Variants in RTN3 observed in about 807,000 individuals in gnomAD.
The protein encoded by RTN3 is reticulon-3.
RTN3 carries 49 observed loss-of-function variants against 77.8 expected under a neutral mutation model. The observed-to-expected ratio is 0.63, with a 90% CI of 0.50 to 0.80. The LOEUF is 0.80. RTN3 is among the 30% of genes least tolerant of loss of function. The probability of loss-of-function intolerance (pLI) is 0.00; values close to 1 mark genes in which losing one functional copy is unlikely to be tolerated. For synonymous variants in RTN3, 464 were observed against 446.9 expected, an observed-to-expected ratio of 1.04 and a Z score of -0.48; for missense variants, 1,236 against 1,211.9, an observed-to-expected ratio of 1.02 and a Z score of -0.29.
chr11:63,713,035 C>A (rs1445195767), intron 2 of RTN3, among the ~76,000 whole-genome samples: 5 of 152,042 alleles, frequency 3.3e-5, no homozygotes, highest in Non-Finnish European at 7.4e-5. Flanking sequence ...GCAGAGGTTG[C>A]GGTGAGCCAA....
In RTN3 at chr11:63,721,037, C is replaced by A. The variant is rs1289207803; in HGVS notation, c.2530+5C>A. The A allele has an allele frequency of 6.3e-7, 1 of 1,577,936 alleles. No homozygotes were observed. Among genetic ancestry groups the A allele is most frequent in the East Asian group, 2.3e-5 (1 of 44,408 alleles). On this transcript the variant is annotated splice_donor_5th_base_variant and intron_variant, in intron 3 of 8. Coordinates refer to ENST00000377819, the MANE Select transcript of RTN3 (RefSeq NM_001265589.2). ...GACTTCTGACAGACTTCTCAGGTAACCATTTATATTAGAATACTGCATGTG... is the reference window on the plus strand; with the variant it reads ...GACTTCTGACAGACTTCTCAGGTAAACATTTATATTAGAATACTGCATGTG...
intron 2 of RTN3, among the ~76,000 whole-genome samples, chr11:63,707,921 TAAAC>T (rs1446585388): frequency 6.6e-6 from 1 of 152,134 alleles, no homozygotes; most frequent in Non-Finnish European, 1.5e-5. Context: ...AACAAACAAA[TAAAC>T]AAAACACATG....
At chr11:63,757,887 G>T (rs574373545) in intron 8 of RTN3, among the ~76,000 whole-genome samples, 1 of 151,730 alleles carries the variant, frequency 6.6e-6, no homozygotes, top group African/African-American at 2.4e-5. Context: ...ACACCAACAC[G>T]CCTGGCTAAT....
At chr11:63,682,620 G>T (rs1310930936) in intron 1 of RTN3, among the ~76,000 whole-genome samples, 2 of 149,084 alleles carry the variant, frequency 1.3e-5, no homozygotes, top group African/African-American at 4.9e-5. Flanking sequence ...ATTGATCGAA[G>T]TATAACAAAG....
chr11:63,738,826 C>G (rs1437348248), intron 3 of RTN3, among the ~76,000 whole-genome samples: 1 of 152,128 alleles, frequency 6.6e-6, no homozygotes, highest in Non-Finnish European at 1.5e-5. Flanking sequence ...TCCCCAAATT[C>G]GGTAATAAAA....
intron 8 of RTN3, among the ~76,000 whole-genome samples, chr11:63,757,672 C>T (rs2014449444): frequency 6.6e-6 from 1 of 151,826 alleles, no homozygotes; most frequent in Non-Finnish European, 1.5e-5. Flanking sequence ...TTATTCATAG[C>T]AAATACTGTG....
chr11:63,743,735 T>C (rs1346317745), intron 3 of RTN3, among the ~76,000 whole-genome samples: 26 of 148,338 alleles, frequency 1.8e-4, no homozygotes, highest in Non-Finnish European at 6.0e-5. Flanking sequence ...GCCAACATGG[T>C]GAAACCCTGT....
intron 2 of RTN3, 92 bp from the exon 3 acceptor site, chr11:63,718,610 T>C (rs2011534837): frequency 1.2e-6 from 1 of 826,740 alleles, no homozygotes; most frequent in Non-Finnish European, 1.8e-6. Context: ...ATTTATGTAA[T>C]TTAAAAAATA....
intron 1 of RTN3, among the ~76,000 whole-genome samples, chr11:63,687,999 A>G (rs1245207087): frequency 1.3e-5 from 2 of 152,148 alleles, no homozygotes; most frequent in African/African-American, 2.4e-5. Context: ...TTAAAGAGGT[A>G]GAGGGAGGAG....
At chr11:63,683,399 T>C (rs2134593536) in intron 1 of RTN3, among the ~76,000 whole-genome samples, 1 of 152,348 alleles carries the variant, frequency 6.6e-6, no homozygotes, top group South Asian at 2.1e-4. Flanking sequence ...TGGGTTTTCT[T>C]GATTTTTCAT....
chr11:63,750,248 A>G (rs1314263920), intron 4 of RTN3, 50 bp downstream of exon 4: 5 of 1,472,334 alleles, frequency 3.4e-6, no homozygotes, highest in South Asian at 2.4e-5. Flanking sequence ...GGAAGGGTTC[A>G]CTGAAGCTGA....
Position 63,720,391 on chromosome 11 carries a change from C to T in RTN3, c.1889C>T (p.Thr630Ile). The T allele has an allele frequency of 1.2e-6, 2 of 1,614,000 alleles. No individual in the cohort carries two copies. The highest frequency in any genetic ancestry group is 1.7e-6 in the Non-Finnish European group (2 of 1,179,982). Residue 630 changes from threonine to isoleucine, a missense_variant, in exon 3 of 9, where the codon ACA (threonine) becomes ATA (isoleucine). By Grantham distance (89) the Thr-to-Ile change is moderately conservative. Around this residue, in one of 3 missense-constraint regions of RTN3, gnomAD observed 1,056 missense variants for 990.4 expected, o/e 1.07. Transcript: ENST00000377819. ...GAGACAGAATTCTCATTAAATGTGA[C>T]AACATCTGCCTATTTGGAGTCATTA... is the stretch of plus-strand genomic sequence containing the variant. ...FNETEFSLNV[T>I]TSAYLESLHG...
intron 3 of RTN3, among the ~76,000 whole-genome samples, chr11:63,724,858 A>G (rs1406450110): frequency 6.6e-6 from 1 of 152,016 alleles, no homozygotes; most frequent in Non-Finnish European, 1.5e-5. Flanking sequence ...ACAGTTTATG[A>G]TAGTGGCAGA....
Position 63,720,331 on chromosome 11 carries a change from A to G in RTN3, c.1829A>G (p.Lys610Arg). 1 of 1,613,944 alleles carries G rather than the reference A, an allele frequency of 6.2e-7. No homozygotes were observed. The stretch of plus-strand genomic sequence containing the variant: ...AAGCCTATTACTACTGAGAACCCCA[A>G]ACTTCCTTCAACAGTGTCTCCAAAT... Reference protein sequence around the residue: ...PEKPITTENPKLPSTVSPNVF... With the variant: ...PEKPITTENPRLPSTVSPNVF... Residue 610 changes from lysine (K) to arginine (R), a missense_variant, in exon 3 of 9, where the codon AAA becomes AGA. Physicochemically the swap from Lys to Arg is conservative, Grantham distance 26. Coordinates refer to ENST00000377819, the MANE Select transcript of RTN3 (RefSeq NM_001265589.2).
chr11:63,705,131 G>A (rs1942434807), intron 2 of RTN3, among the ~76,000 whole-genome samples: 1 of 152,152 alleles, frequency 6.6e-6, no homozygotes, highest in Admixed American at 6.5e-5. Context: ...TAAACTTCAG[G>A]AGTAGTTTTG....
intron 3 of RTN3, among the ~76,000 whole-genome samples, chr11:63,747,567 C>T (rs1186750339): frequency 6.6e-6 from 1 of 152,148 alleles, no homozygotes; most frequent in East Asian, 1.9e-4. Flanking sequence ...TTCTTATATA[C>T]AATCAGCATA....
At chr11:63,753,582 A>AAATGTATATGTT (rs2014212577) in intron 6 of RTN3, 80 bp from the exon 7 acceptor site, 1 of 1,316,900 alleles carries the variant, frequency 7.6e-7, no homozygotes, top group African/African-American at 1.5e-5. Flanking sequence ...TTTTGAGGAA[A>AAATGTATATGTT]AATGTATATG....
chr11:63,757,295 T>C (rs1382606926), intron 8 of RTN3, among the ~76,000 whole-genome samples: 1 of 152,210 alleles, frequency 6.6e-6, no homozygotes, highest in African/African-American at 2.4e-5. Flanking sequence ...TTCTTTTTAC[T>C]TTTTTTCCCC....
At chr11:63,704,341 G>A (rs1942391169) in intron 1 of RTN3, among the ~76,000 whole-genome samples, 8 of 152,072 alleles carry the variant, frequency 5.3e-5, no homozygotes, top group Admixed American at 5.2e-4. Flanking sequence ...TTCTCATGTA[G>A]TCCTGTCTTC....
Sources: allele counts gnomAD v4.1 joint callset (sites outside exome capture counted in the v4.1 genomes callset), GRCh38; gene constraint gnomAD v4.1.1; regional missense constraint gnomAD v4.1.1; transcripts MANE v1.5; gene names NCBI Gene and HGNC (gene_info 2026-07-23, HGNC 2026-07-21).